SPIDR: variants seen among roughly 807,000 people sequenced by gnomAD.
SPIDR encodes DNA repair-scaffolding protein.
SPIDR carries 93 observed loss-of-function variants against 104.6 expected under a neutral mutation model. That is an observed-to-expected ratio of 0.89 (90% CI 0.75 to 1.06). SPIDR has a LOEUF of 1.06. Among genes scored for constraint, SPIDR ranks in the 50% least tolerant of loss-of-function variants. SPIDR has a pLI of 0.00. For synonymous variants in SPIDR, 431 were observed against 416.9 expected (o/e 1.03, Z -0.41); for missense variants, 1,154 against 1,111.2 (o/e 1.04, Z -0.55).
At chr8:47,732,593 G>C (rs1356068748) in intron 19 of SPIDR, 1 of 178,610 alleles carries the variant, frequency 5.6e-6, no homozygotes, top group East Asian at 1.6e-4. Context: ...TGGCTGATCA[G>C]GTCTTTACTG....
chr8:47,369,525 C>T (rs2057708825), intron 5 of SPIDR, among the ~76,000 whole-genome samples: 1 of 152,176 alleles, frequency 6.6e-6, no homozygotes, highest in African/African-American at 2.4e-5. Flanking sequence ...CCCTCTTTGG[C>T]CACTTCTGTC....
intron 10 of SPIDR, among the ~76,000 whole-genome samples, chr8:47,637,802 TTTTTC>T (rs2068190530): frequency 6.6e-6 from 1 of 152,148 alleles, no homozygotes; most frequent in African/African-American, 2.4e-5. Context: ...GTTACTGTAC[TTTTTC>T]CTCCTTTCCA....
chr8:47,385,361 A>G (rs374117563), intron 5 of SPIDR, among the ~76,000 whole-genome samples: 2 of 152,210 alleles, frequency 1.3e-5, no homozygotes, highest in African/African-American at 2.4e-5. Context: ...ATTTTCTTGT[A>G]TAAATACCAT....
intron 1 of SPIDR, among the ~76,000 whole-genome samples, chr8:47,278,347 T>A (rs371090719): frequency 3.1e-3 from 461 of 150,692 alleles, no homozygotes; most frequent in African/African-American, 9.2e-3. Flanking sequence ...AAAGACAGGA[T>A]CTTGCTCTGT....
chr8:47,673,760 A>G, intron 10 of SPIDR, 41 bp from the exon 11 acceptor site: 1 of 1,613,862 alleles, frequency 6.2e-7, no homozygotes. Context: ...GTATTAATCC[A>G]AACTGCCTCC....
chr8:47,362,489 ATTGGT>A (rs1445539739), intron 5 of SPIDR, among the ~76,000 whole-genome samples: 3 of 152,122 alleles, frequency 2.0e-5, no homozygotes, highest in Non-Finnish European at 2.9e-5. Context: ...ATCACTACAC[ATTGGT>A]ATGCCAGATC....
At chr8:47,661,052 C>A in intron 10 of SPIDR, 3 of 700,506 alleles carry the variant, frequency 4.3e-6, no homozygotes, top group Non-Finnish European at 5.3e-6. Flanking sequence ...GTGGTGCCTG[C>A]TCCCCTGCAC....
chr8:47,713,204 A>T, intron 15 of SPIDR: 1 of 617,502 alleles, frequency 1.6e-6, no homozygotes, highest in Non-Finnish European at 2.6e-6. Context: ...CAGGGATCAA[A>T]CTAAAATCCT....
intron 10 of SPIDR, among the ~76,000 whole-genome samples, chr8:47,634,778 C>CA (rs1185863788): frequency 6.6e-6 from 1 of 152,230 alleles, no homozygotes; most frequent in Non-Finnish European, 1.5e-5. Flanking sequence ...ACCATCCTCT[C>CA]ACGCCTGGGC....
intron 8 of SPIDR, among the ~76,000 whole-genome samples, chr8:47,485,305 G>C (rs1006908644): frequency 6.6e-6 from 1 of 152,236 alleles, no homozygotes; most frequent in Non-Finnish European, 1.5e-5. Context: ...GAGGCTGGGG[G>C]AGGGGCGCCT....
chr8:47,582,776 A>C (rs1381035628), intron 8 of SPIDR, among the ~76,000 whole-genome samples: 1 of 149,884 alleles, frequency 6.7e-6, no homozygotes, highest in East Asian at 2.0e-4. Flanking sequence ...CTGAAGGGTC[A>C]CTTGTTGTCT....
chr8:47,606,342 AC>A (rs1277129231), intron 10 of SPIDR, among the ~76,000 whole-genome samples: 1 of 149,918 alleles, frequency 6.7e-6, no homozygotes, highest in African/African-American at 2.5e-5. Context: ...ACACGATGAA[AC>A]CCCGTCTTTA....
At chr8:47,405,722 C>G (rs561174893) in intron 6 of SPIDR, among the ~76,000 whole-genome samples, 1 of 152,262 alleles carries the variant, frequency 6.6e-6, no homozygotes, top group African/African-American at 2.4e-5. Flanking sequence ...ACTTATCTGG[C>G]TACGTTCAAA....
At chr8:47,703,770 C>T (rs191962314) in intron 14 of SPIDR, among the ~76,000 whole-genome samples, 1 of 152,322 alleles carries the variant, frequency 6.6e-6, no homozygotes, top group East Asian at 1.9e-4. Context: ...TCTTCAGGTG[C>T]TGAGCATGGC....
At chr8:47,712,917 G>A (rs570971325) in intron 15 of SPIDR, 45 bp downstream of exon 15, 7 of 1,609,472 alleles carry the variant, frequency 4.3e-6, no homozygotes, top group South Asian at 2.2e-5. Flanking sequence ...CGACTGATCC[G>A]TGCCCATAGA....
rs140023023 is a variant in SPIDR at position 47,708,618 on chromosome 8, G to A, written c.1978-4044G>A. Among the ~76,000 whole-genome samples the A allele has an allele frequency of 1.2e-4, 19 of 152,228 alleles. No homozygotes were observed. In the East Asian group the frequency reaches 3.5e-3, roughly 28 times the overall value. ...CAAATATGTAATGCCATGTATCTAC[G>A]ATCATAGTATCATATGGAGCAGTTT... On this transcript the variant is annotated intron_variant, in intron 14 of 19. Transcript: ENST00000297423.
chr8:47,485,549 G>T (rs1554730492), intron 8 of SPIDR, among the ~76,000 whole-genome samples: 1 of 152,232 alleles, frequency 6.6e-6, no homozygotes, highest in African/African-American at 2.4e-5. Flanking sequence ...CGGACAGACT[G>T]CCTCCTCAAG....
intron 8 of SPIDR, among the ~76,000 whole-genome samples, chr8:47,489,416 G>A (rs2078278697): frequency 6.6e-6 from 1 of 152,164 alleles, no homozygotes; most frequent in African/African-American, 2.4e-5. Context: ...TTGGGAAAAT[G>A]GCCATACTGC....
intron 6 of SPIDR, among the ~76,000 whole-genome samples, chr8:47,400,980 A>G (rs1291591847): frequency 1.3e-5 from 2 of 152,132 alleles, no homozygotes; most frequent in African/African-American, 2.4e-5. Context: ...CAGGAAATAC[A>G]GAGAATGCCA....
Sources: allele counts gnomAD v4.1 joint callset (sites outside exome capture counted in the v4.1 genomes callset), GRCh38; gene constraint gnomAD v4.1.1; transcripts MANE v1.5; gene names NCBI Gene and HGNC (gene_info 2026-07-23, HGNC 2026-07-21).